CLIC4: variants seen among roughly 807,000 people sequenced by gnomAD.
The protein encoded by CLIC4 is chloride intracellular channel protein 4.
CLIC4 carries 13 observed loss-of-function variants against 24.6 expected under a neutral mutation model. The ratio of observed to expected loss-of-function variants is 0.53; its 90% CI spans 0.34 to 0.84. The LOEUF is 0.84. Ranked by LOEUF, CLIC4 falls within the 40% of genes least tolerant of loss-of-function variation. The probability of loss-of-function intolerance (pLI) is 0.01; values close to 1 mark genes in which losing one functional copy is unlikely to be tolerated. For synonymous variants in CLIC4, 104 were observed against 111.3 expected, an observed-to-expected ratio of 0.93 and a Z score of 0.41; for missense variants, 227 against 301.7, an observed-to-expected ratio of 0.75 and a Z score of 1.83.
chr1:24,793,912 T>C (rs1381221657), intron 1 of CLIC4, among the ~76,000 whole-genome samples: 1 of 152,222 alleles, frequency 6.6e-6, no homozygotes, highest in Non-Finnish European at 1.5e-5. Flanking sequence ...TACTTTAGGA[T>C]AATGAACAGT....
At chr1:24,802,019 C>T (rs934792243) in intron 2 of CLIC4, among the ~76,000 whole-genome samples, 9 of 152,004 alleles carry the variant, frequency 5.9e-5, no homozygotes, top group Non-Finnish European at 1.2e-4. Flanking sequence ...AATATAACTC[C>T]TAAAAATAGA....
intron 2 of CLIC4, among the ~76,000 whole-genome samples, chr1:24,799,342 C>A (rs1415882257): frequency 2.6e-5 from 4 of 151,798 alleles, no homozygotes; most frequent in Admixed American, 1.3e-4. Context: ...CGGCCGCAAC[C>A]CCGTCTGGGA....
At chr1:24,795,332 G>A in intron 1 of CLIC4, among the ~76,000 whole-genome samples, 1 of 152,172 alleles carries the variant, frequency 6.6e-6, no homozygotes, top group Non-Finnish European at 1.5e-5. Flanking sequence ...TATATCTTTT[G>A]CTATTTTCTT....
intron 2 of CLIC4, among the ~76,000 whole-genome samples, chr1:24,806,679 C>G (rs1397530914): frequency 6.6e-6 from 1 of 152,054 alleles, no homozygotes; most frequent in Non-Finnish European, 1.5e-5. Flanking sequence ...TGCTAGGTAA[C>G]CATTTATGAA....
intron 2 of CLIC4, among the ~76,000 whole-genome samples, chr1:24,809,728 T>C (rs971833295): frequency 3.3e-5 from 5 of 152,156 alleles, no homozygotes; most frequent in Non-Finnish European, 4.4e-5. Context: ...CACAAAGTGC[T>C]GGGATTACAA....
chr1:24,770,849 G>C (rs1557798320), intron 1 of CLIC4, among the ~76,000 whole-genome samples: 2 of 151,828 alleles, frequency 1.3e-5, no homozygotes, highest in East Asian at 3.9e-4. Context: ...GTATTTTCTT[G>C]GTTTATTCCA....
chr1:24,749,684 G>A (rs1638749989), intron 1 of CLIC4, among the ~76,000 whole-genome samples: 1 of 152,210 alleles, frequency 6.6e-6, no homozygotes, highest in Non-Finnish European at 1.5e-5. Flanking sequence ...CAGCTGGGCT[G>A]TGGTGGCTCA....
intron 1 of CLIC4, among the ~76,000 whole-genome samples, chr1:24,747,490 C>T (rs1338938204): frequency 4.2e-5 from 6 of 141,422 alleles, no homozygotes; most frequent in Admixed American, 7.5e-5. Context: ...GCGGAGATTG[C>T]GCCACTGTAC....
At chr1:24,799,319 G>T (rs1160926014) in intron 2 of CLIC4, among the ~76,000 whole-genome samples, 3 of 150,422 alleles carry the variant, frequency 2.0e-5, no homozygotes, top group Non-Finnish European at 1.5e-5. Context: ...GGGATGTGAG[G>T]AGCGCCTCTG....
chr1:24,795,597 G>A (rs112211221), intron 1 of CLIC4, among the ~76,000 whole-genome samples: 3,081 of 152,086 alleles, frequency 0.02, 98 homozygotes, highest in African/African-American at 0.071. Context: ...TTGAAATGGA[G>A]TCTCACTTTG....
At chr1:24,747,120 T>C (rs1638710562) in intron 1 of CLIC4, among the ~76,000 whole-genome samples, 1 of 144,964 alleles carries the variant, frequency 6.9e-6, no homozygotes, top group East Asian at 2.0e-4. Flanking sequence ...TTTTTTTTGG[T>C]CCAGGGAACT....
intron 1 of CLIC4, among the ~76,000 whole-genome samples, chr1:24,757,944 A>AG (rs1294642904): frequency 6.6e-6 from 1 of 151,566 alleles, no homozygotes; most frequent in Non-Finnish European, 1.5e-5. Flanking sequence ...CTTTTTATAG[A>AG]GATGGGGTTT....
Position 24,843,296 on chromosome 1 carries a change from A to T in CLIC4, c.*2359A>T, listed in dbSNP as rs1639961403. ...CAGCAACATGCTTTAACCCCATTGT[A>T]TGTTTGTGGAAAGAGCATAGTTTAA... On this transcript the variant is annotated 3_prime_UTR_variant, in exon 6 of 6. Transcript: ENST00000374379. The T allele has an allele frequency of 6.6e-6, 1 of 152,226 alleles. No individual in the cohort carries two copies. Among genetic ancestry groups the T allele is most frequent in the Non-Finnish European group, 1.5e-5 (1 of 68,024 alleles). The allele number at this position is 152,226 out of a possible 1,614,324, so 9.4% of individuals were successfully genotyped here.
At chr1:24,786,839 C>A (rs531003383) in intron 1 of CLIC4, among the ~76,000 whole-genome samples, 2 of 151,892 alleles carry the variant, frequency 1.3e-5, no homozygotes, top group Admixed American at 1.3e-4. Flanking sequence ...AGGATGGTCT[C>A]GATCTCCTGA....
At chr1:24,805,098 AAAAAAAAC>A (rs902814456) in intron 2 of CLIC4, among the ~76,000 whole-genome samples, 3 of 143,974 alleles carry the variant, frequency 2.1e-5, no homozygotes, top group African/African-American at 7.6e-5. Context: ...AAAAAAAAAA[AAAAAAAAC>A]ACAAAAACAA....
chr1:24,799,716 G>A (rs1489390273), intron 2 of CLIC4, among the ~76,000 whole-genome samples: 18 of 132,290 alleles, frequency 1.4e-4, no homozygotes, highest in East Asian at 4.7e-4. Context: ...TCAGCCCCCC[G>A]CCCGGCCAGC....
At chr1:24,832,128 A>G (rs1210097776) in intron 4 of CLIC4, among the ~76,000 whole-genome samples, 1 of 152,212 alleles carries the variant, frequency 6.6e-6, no homozygotes, top group African/African-American at 2.4e-5. Flanking sequence ...TTTACATTTC[A>G]GCTAACTATA....
intron 2 of CLIC4, among the ~76,000 whole-genome samples, chr1:24,810,821 C>A (rs567812146): frequency 6.6e-6 from 1 of 151,908 alleles, no homozygotes; most frequent in East Asian, 1.9e-4. Context: ...TACGGTGGCT[C>A]ACACCTGTAA....
intron 1 of CLIC4, among the ~76,000 whole-genome samples, chr1:24,771,273 G>C (rs1490282219): frequency 6.6e-6 from 1 of 152,140 alleles, no homozygotes; most frequent in Non-Finnish European, 1.5e-5. Context: ...GTTGGAATCT[G>C]TTCTGAATCC....
Sources: allele counts gnomAD v4.1 joint callset (sites outside exome capture counted in the v4.1 genomes callset), GRCh38; gene constraint gnomAD v4.1.1; transcripts MANE v1.5; gene names NCBI Gene and HGNC (gene_info 2026-07-23, HGNC 2026-07-21).